CEP128: variants seen among roughly 807,000 people sequenced by gnomAD.
The protein encoded by CEP128 is centrosomal protein 128kDa.
In CEP128, 132 loss-of-function variants were observed where a neutral mutation model predicts 156.7. The observed-to-expected ratio is 0.84, with a 90% CI of 0.73 to 0.97. CEP128 has a LOEUF of 0.97. Among genes scored for constraint, CEP128 ranks in the 50% least tolerant of loss-of-function variants. CEP128 has a pLI of 0.00. For synonymous variants in CEP128, 469 were observed against 448.9 expected (o/e 1.04, Z -0.57); for missense variants, 1,252 against 1,281.9 (o/e 0.98, Z 0.36).
chr14:80,593,390 A>T (rs988494927), intron 19 of CEP128, among the ~76,000 whole-genome samples: 3 of 151,852 alleles, frequency 2.0e-5, no homozygotes, highest in African/African-American at 4.8e-5. Flanking sequence ...AACACAAAAA[A>T]ATTAGCCAGG....
intron 10 of CEP128, among the ~76,000 whole-genome samples, chr14:80,839,822 C>T (rs1886265949): frequency 1.3e-5 from 2 of 151,752 alleles, no homozygotes; most frequent in Admixed American, 6.6e-5. Flanking sequence ...TCACAGAATC[C>T]ACATAAAATA....
chr14:80,485,681 A>G (rs930771762), downstream of CEP128, among the ~76,000 whole-genome samples: 1 of 152,228 alleles, frequency 6.6e-6, no homozygotes, highest in Admixed American at 6.5e-5. Context: ...TTTGGCACAT[A>G]ATAGGTCCAC....
At chr14:80,822,795 G>A in intron 13 of CEP128, 2 of 751,676 alleles carry the variant, frequency 2.7e-6, no homozygotes, top group African/African-American at 1.7e-5. Flanking sequence ...GACGCCAAGT[G>A]AAGTGTGTGC....
chr14:80,884,061 T>C (rs1265305670), intron 8 of CEP128, among the ~76,000 whole-genome samples: 1 of 152,116 alleles, frequency 6.6e-6, no homozygotes, highest in Non-Finnish European at 1.5e-5. Context: ...TCTTAACATA[T>C]ACAAAAATCA....
chr14:80,628,328 C>T (rs142301320), intron 19 of CEP128, among the ~76,000 whole-genome samples: 3 of 152,268 alleles, frequency 2.0e-5, no homozygotes, highest in African/African-American at 7.2e-5. Flanking sequence ...TAAAACACTA[C>T]TGTACATTTT....
chr14:80,570,182 A>G (rs1312680624), intron 20 of CEP128, among the ~76,000 whole-genome samples: 1 of 152,166 alleles, frequency 6.6e-6, no homozygotes, highest in African/African-American at 2.4e-5. Context: ...CAGTGGCACA[A>G]TCTTGGCTCA....
At chr14:80,485,614 T>C (rs1021973322), downstream of CEP128, among the ~76,000 whole-genome samples, 1 of 152,176 alleles carries the variant, frequency 6.6e-6, no homozygotes, top group Non-Finnish European at 1.5e-5. Flanking sequence ...TTCTTAAAAA[T>C]CACAAGGTTA....
intron 4 of CEP128, among the ~76,000 whole-genome samples, chr14:80,911,215 C>T (rs111344748): frequency 2.6e-5 from 4 of 152,288 alleles, no homozygotes; most frequent in African/African-American, 9.6e-5. Flanking sequence ...CATTATAATT[C>T]AGGCCGGGTA....
intron 8 of CEP128, among the ~76,000 whole-genome samples, chr14:80,880,434 C>G (rs1314906361): frequency 2.0e-5 from 3 of 151,968 alleles, no homozygotes; most frequent in Admixed American, 6.6e-5. Context: ...AAGGATGCCC[C>G]CTCCTTCTAT....
intron 16 of CEP128, among the ~76,000 whole-genome samples, chr14:80,771,979 C>T (rs1297804641): frequency 6.6e-6 from 1 of 152,146 alleles, no homozygotes; most frequent in African/African-American, 2.4e-5. Context: ...TGGGAGCTGA[C>T]CTTCTGTTTA....
intron 19 of CEP128, among the ~76,000 whole-genome samples, chr14:80,680,554 A>T (rs1828140425): frequency 6.6e-6 from 1 of 152,110 alleles, no homozygotes; most frequent in Admixed American, 6.5e-5. Flanking sequence ...ATATCCAGGC[A>T]TTTCGAGCAC....
At chr14:80,947,586 C>T (rs1886375201) in intron 2 of CEP128, among the ~76,000 whole-genome samples, 1 of 152,146 alleles carries the variant, frequency 6.6e-6, no homozygotes. Context: ...TGAGTGATTG[C>T]ACAGGTCACA....
intron 19 of CEP128, among the ~76,000 whole-genome samples, chr14:80,617,219 C>CATTTTTTT (rs1893254041): frequency 1.7e-5 from 1 of 60,216 alleles, no homozygotes; most frequent in Non-Finnish European, 2.9e-5. Context: ...TGAATATCAT[C>CATTTTTTT]TTTTTTTTTT....
At chr14:80,911,114 A>G (rs192596179) in intron 4 of CEP128, among the ~76,000 whole-genome samples, 1 of 152,362 alleles carries the variant, frequency 6.6e-6, no homozygotes, top group Admixed American at 6.5e-5. Flanking sequence ...ATAAAACGCA[A>G]AAGGATTGAC....
At chr14:80,526,431 A>C (rs1430822931) in intron 23 of CEP128, among the ~76,000 whole-genome samples, 2 of 152,122 alleles carry the variant, frequency 1.3e-5, no homozygotes, top group Non-Finnish European at 1.5e-5. Flanking sequence ...CTGAAGTATT[A>C]ATATGGAGTT....
At chr14:80,765,831 T>C (rs1269206253) in intron 16 of CEP128, among the ~76,000 whole-genome samples, 2 of 152,128 alleles carry the variant, frequency 1.3e-5, no homozygotes, top group Non-Finnish European at 2.9e-5. Context: ...AAAGAACCTA[T>C]TAAATACAAC....
At chr14:80,496,288 T>C (rs1887492423), downstream of CEP128, among the ~76,000 whole-genome samples, 1 of 152,184 alleles carries the variant, frequency 6.6e-6, no homozygotes, top group South Asian at 2.1e-4. Context: ...ATAGCTTGTG[T>C]TACGCAATTT....
chr14:80,579,540 A>G lies in CEP128; in HGVS notation c.2856+834T>C, dbSNP rs1244620302. 2.6e-5 allele frequency among the ~76,000 whole-genome samples: 4 copies of G among 152,280 alleles called. No homozygotes were observed. In the East Asian group the frequency reaches 5.8e-4, roughly 22 times the overall value. On this transcript the variant is annotated intron_variant, in intron 20 of 24. Transcript: ENST00000555265. ...ACACTTCTCTTGCTCTTTGGACTTTATGTGGCCTATCTTTCATTTGCCAAA... is the reference window on the plus strand; with the variant it reads ...ACACTTCTCTTGCTCTTTGGACTTTGTGTGGCCTATCTTTCATTTGCCAAA...
Position 80,636,200 on chromosome 14 carries a change from G to A in CEP128, c.2807-55777C>T, listed in dbSNP as rs866879226. ...CAGAATGGGAGCTGTTTGCATACAT[G>A]GTAGTCAGTGACTATTTGCTAAATA... is the stretch of plus-strand genomic sequence containing the variant. On this transcript the variant is annotated intron_variant, in intron 19 of 24. Transcript: ENST00000555265. Among the ~76,000 whole-genome samples, 24 of 152,106 alleles carry A rather than the reference G, an allele frequency of 1.6e-4. 1 individual carries two copies. Among genetic ancestry groups the A allele is most frequent in the African/African-American group, 5.8e-4 (24 of 41,414 alleles).
Sources: allele counts gnomAD v4.1 joint callset (sites outside exome capture counted in the v4.1 genomes callset), GRCh38; gene constraint gnomAD v4.1.1; transcripts MANE v1.5; gene names NCBI Gene and HGNC (gene_info 2026-07-23, HGNC 2026-07-21).